ABCA10: variants seen among roughly 807,000 people sequenced by gnomAD.
ABCA10 encodes ATP-binding cassette sub-family A member 10.
Under a neutral mutation model 187.5 loss-of-function variants are expected in ABCA10, and 169 were observed. The ratio of observed to expected loss-of-function variants is 0.90; its 90% CI spans 0.80 to 1.02. ABCA10 has a LOEUF of 1.02. Among genes scored for constraint, ABCA10 ranks in the 50% least tolerant of loss-of-function variants. The pLI is 0.00. For synonymous variants in ABCA10, 574 were observed against 601.8 expected (o/e 0.95, Z 0.68); for missense variants, 1,727 against 1,812.4 (o/e 0.95, Z 0.86).
At position 69,175,392 on chromosome 17, in the gene ABCA10, T is replaced by C. The variant is rs1411089668; in HGVS notation, c.2877+14A>G. On this transcript the variant is annotated intron_variant, in intron 23 of 38. Transcript: ENST00000690296. ...AAATCAATCTCAATCTAATTTCCTC[T>C]CTCTCCCTCTTACTTTATAATCGCT... 1 of 1,592,294 alleles carries C rather than the reference T, an allele frequency of 6.3e-7. No homozygotes were observed. Among genetic ancestry groups the C allele is most frequent in the Admixed American group, 1.8e-5 (1 of 56,528 alleles).
At chr17:69,222,508 T>A in intron 4 of ABCA10, 25 bp downstream of exon 4, 3 of 1,495,938 alleles carry the variant, frequency 2.0e-6, no homozygotes, top group South Asian at 1.4e-5. Context: ...CAAAAAAAAA[T>A]TATAATCAGT....
chr17:69,151,760 T>C (rs2074129826), intron 36 of ABCA10, among the ~76,000 whole-genome samples: 1 of 152,060 alleles, frequency 6.6e-6, no homozygotes, highest in Non-Finnish European at 1.5e-5. Flanking sequence ...AAGTTGATAG[T>C]TTAATTTGTC....
At chr17:69,197,696 C>T (rs1285138813) in intron 10 of ABCA10, among the ~76,000 whole-genome samples, 3 of 152,160 alleles carry the variant, frequency 2.0e-5, no homozygotes, top group Non-Finnish European at 4.4e-5. Flanking sequence ...ATTACTCACT[C>T]TTTTGTTTTC....
chr17:69,165,578 T>C (rs770863266), intron 25 of ABCA10, among the ~76,000 whole-genome samples: 1 of 152,168 alleles, frequency 6.6e-6, no homozygotes, highest in Non-Finnish European at 1.5e-5. Flanking sequence ...GTAAATTATA[T>C]GGTTGTCACT....
chr17:69,221,961 T>A (rs1025107035), intron 4 of ABCA10, 66 bp from the exon 5 acceptor site: 2 of 1,224,218 alleles, frequency 1.6e-6, no homozygotes, highest in African/African-American at 3.1e-5. Context: ...ATTAAAACTT[T>A]AACTTTGGCT....
At chr17:69,212,138 C>T (rs2074665779) in intron 9 of ABCA10, among the ~76,000 whole-genome samples, 1 of 152,146 alleles carries the variant, frequency 6.6e-6, no homozygotes, top group Non-Finnish European at 1.5e-5. Flanking sequence ...CTTTTTAGCA[C>T]TGCTTTTTCT....
At chr17:69,243,425 A>G (rs2074918301) in intron 1 of ABCA10, among the ~76,000 whole-genome samples, 1 of 152,258 alleles carries the variant, frequency 6.6e-6, no homozygotes, top group South Asian at 2.1e-4. Context: ...CAACTGTAAC[A>G]CAATAGTAAA....
chr17:69,161,112 T>C (rs2074214332), intron 27 of ABCA10, among the ~76,000 whole-genome samples: 1 of 152,200 alleles, frequency 6.6e-6, no homozygotes, highest in South Asian at 2.1e-4. Flanking sequence ...TCAACATGGA[T>C]AAACCTTGAG....
chr17:69,188,000 C>T lies in ABCA10; in HGVS notation c.2132-121G>A, dbSNP rs1029753349. The stretch of plus-strand genomic sequence containing the variant: ...TTCCAACAAGTTAAGCTACTGATAT[C>T]CATAATCAAAATTTACGTTAAAAAT... On this transcript the variant is annotated intron_variant, in intron 18 of 38. Coordinates refer to ENST00000690296, the MANE Select transcript of ABCA10 (RefSeq NM_001377321.1). The T allele has an allele frequency of 6.0e-6, 5 of 839,184 alleles. No individual in the cohort carries two copies. In the African/African-American group the frequency reaches 8.6e-5, roughly 14 times the overall value. 52.0% of individuals were successfully genotyped at this position (839,184 alleles called of 1,614,324 possible). A position where few individuals can be genotyped will look rare whatever the true frequency, so the allele number is the denominator to read the frequency against.
chr17:69,188,315 T>C (rs977022182), intron 18 of ABCA10, among the ~76,000 whole-genome samples: 1 of 152,092 alleles, frequency 6.6e-6, no homozygotes, highest in Non-Finnish European at 1.5e-5. Flanking sequence ...TTTCAAATGA[T>C]GGAAAGTTCA....
At chr17:69,166,462 T>C (rs1025812690) in intron 25 of ABCA10, among the ~76,000 whole-genome samples, 1 of 152,120 alleles carries the variant, frequency 6.6e-6, no homozygotes, top group African/African-American at 2.4e-5. Context: ...GAAAAGGATA[T>C]TTATGCATCT....
chr17:69,244,038 T>C (rs1409405947), intron 1 of ABCA10, among the ~76,000 whole-genome samples: 2 of 152,206 alleles, frequency 1.3e-5, no homozygotes, highest in East Asian at 1.9e-4. Context: ...GCCTAAGTGT[T>C]TGTATGAATC....
At chr17:69,192,336 C>CAAAA (rs1262344335) in intron 16 of ABCA10, among the ~76,000 whole-genome samples, 1 of 151,736 alleles carries the variant, frequency 6.6e-6, no homozygotes, top group Non-Finnish European at 1.5e-5. Context: ...AACAAACAAA[C>CAAAA]AAAAAAGTTG....
In ABCA10 at chr17:69,215,982, T is replaced by C. The variant is rs148511872; in HGVS notation, c.691A>G (p.Met231Val). The change falls in exon 8 of 39, where the codon ATG (methionine) becomes GTG (valine). Residue 231 changes from methionine to valine, a missense_variant. By Grantham distance (21) the Met-to-Val change is conservative (BLOSUM62 1). Coordinates refer to ENST00000690296, the MANE Select transcript of ABCA10 (RefSeq NM_001377321.1). ...ATAGGTTTCCTTATTAAAACACTCA[T>C]GAGGAAAGCCAATGCTATCTGAAGG... ...GLSLIALAFL[M>V]SVLIRKPMLA... 7.0e-5 allele frequency: 113 copies of C among 1,612,604 alleles called. No individual in the cohort carries two copies. The African/African-American group carries it at 1.4e-3, about 19-fold the overall frequency.
At chr17:69,238,637 C>T (rs991585018) in intron 1 of ABCA10, among the ~76,000 whole-genome samples, 2 of 152,060 alleles carry the variant, frequency 1.3e-5, no homozygotes, top group Non-Finnish European at 2.9e-5. Context: ...GGTAAACAGG[C>T]CTTAAAATGA....
intron 1 of ABCA10, among the ~76,000 whole-genome samples, chr17:69,239,190 A>T (rs1426070263): frequency 6.6e-6 from 1 of 152,168 alleles, no homozygotes; most frequent in Non-Finnish European, 1.5e-5. Context: ...ATAGAAAAGT[A>T]CAAAGGGTTG....
intron 36 of ABCA10, among the ~76,000 whole-genome samples, 158 bp downstream of exon 36, chr17:69,151,885 T>C (rs1482355291): frequency 6.6e-6 from 1 of 152,206 alleles, no homozygotes; most frequent in Admixed American, 6.5e-5. Flanking sequence ...AATAACTGTT[T>C]AGTTTTTGTA....
chr17:69,177,176 A>G (rs2074340697), intron 22 of ABCA10, among the ~76,000 whole-genome samples: 1 of 152,222 alleles, frequency 6.6e-6, no homozygotes, highest in South Asian at 2.1e-4. Context: ...TAATACTAGC[A>G]TCTCCTCCAA....
chr17:69,197,009 A>AGGGAGT, intron 11 of ABCA10, 55 bp downstream of exon 11: 1 of 1,109,746 alleles, frequency 9.0e-7, no homozygotes, highest in Non-Finnish European at 1.2e-6. Flanking sequence ...CCGTGGACAG[A>AGGGAGT]GGGAGGGGGA....
Sources: gnomAD v4.1 joint callset for allele counts (sites outside exome capture counted in the v4.1 genomes callset) on GRCh38, gnomAD v4.1.1 for gene constraint, MANE v1.5 for transcripts, NCBI Gene and HGNC (gene_info 2026-07-23, HGNC 2026-07-21) for gene names.